TMEM165: variants seen among roughly 807,000 people sequenced by gnomAD.
TMEM165 encodes transmembrane protein 165, also known as putative divalent cation/proton antiporter TMEM165.
TMEM165 carries 19 observed loss-of-function variants against 30.0 expected under a neutral mutation model. The ratio of observed to expected loss-of-function variants is 0.63; its 90% CI spans 0.44 to 0.93. TMEM165 has a LOEUF of 0.93. Ranked by LOEUF, TMEM165 falls within the 40% of genes least tolerant of loss-of-function variation. The pLI, the probability that TMEM165 is intolerant of heterozygous loss-of-function variation, is 0.00. For synonymous variants in TMEM165, 168 were observed against 162.9 expected (o/e 1.03, Z -0.24); for missense variants, 340 against 417.0 (o/e 0.82, Z 1.61).
chr4:55,404,872 G>A (rs1011586360), intron 1 of TMEM165, among the ~76,000 whole-genome samples: 3 of 152,130 alleles, frequency 2.0e-5, no homozygotes, highest in African/African-American at 4.8e-5. Context: ...AATGAAGCCC[G>A]TTTGACCTCA....
chr4:55,438,211 T>C, intron 3 of TMEM165: 3 of 1,542,160 alleles, frequency 1.9e-6, no homozygotes, highest in Non-Finnish European at 2.7e-6. Flanking sequence ...CACAAATCTG[T>C]TCACTTAATG....
At chr4:55,450,819 A>G (rs1452654090) in intron 3 of TMEM165, among the ~76,000 whole-genome samples, 1 of 152,010 alleles carries the variant, frequency 6.6e-6, no homozygotes, top group Non-Finnish European at 1.5e-5. Flanking sequence ...AAATTTTAAC[A>G]GCTAAAACTA....
At chr4:55,399,674 A>T (rs972877898) in intron 1 of TMEM165, among the ~76,000 whole-genome samples, 3 of 152,146 alleles carry the variant, frequency 2.0e-5, no homozygotes, top group African/African-American at 4.8e-5. Flanking sequence ...TGGTAGAAAC[A>T]GTGTCCAGTA....
At chr4:55,452,924 TATA>T in exon 4 of TMEM165, 1 of 688,380 alleles carries the variant, frequency 1.5e-6, no homozygotes, top group South Asian at 1.9e-5. Context: ...AGTAGTAAAG[TATA>T]ATCACATCCC....
intron 3 of TMEM165, among the ~76,000 whole-genome samples, chr4:55,447,792 C>A (rs1359415153): frequency 6.6e-6 from 1 of 152,028 alleles, no homozygotes; most frequent in Non-Finnish European, 1.5e-5. Flanking sequence ...TTGTTTTCAC[C>A]TATTATTAAT....
intron 3 of TMEM165, chr4:55,443,732 A>G (rs765572874): frequency 6.2e-7 from 1 of 1,614,104 alleles, no homozygotes; most frequent in Admixed American, 1.7e-5. Flanking sequence ...TCATGTGCTG[A>G]GTTGTGCCAA....
chr4:55,429,021 T>G (rs1722357215), downstream of TMEM165: 1 of 151,678 alleles, frequency 6.6e-6, no homozygotes, highest in African/African-American at 2.4e-5. Context: ...GCCAATTTTT[T>G]TGCTTGAAGA....
At chr4:55,453,092 C>T (rs766157700) in exon 4 of TMEM165, 1 of 1,612,672 alleles carries the variant, frequency 6.2e-7, no homozygotes, top group Non-Finnish European at 8.5e-7. Context: ...TCTTCAATGC[C>T]AAGTTCTCGT....
intron 2 of TMEM165, chr4:55,412,276 C>T: frequency 4.8e-6 from 1 of 209,208 alleles, no homozygotes; most frequent in Non-Finnish European, 9.5e-6. Flanking sequence ...CACCTGTAAT[C>T]CCAGCAACTC....
chr4:55,448,639 TGTGTGC>T, intron 3 of TMEM165: 2 of 584,770 alleles, frequency 3.4e-6, no homozygotes, highest in Non-Finnish European at 6.2e-6. Context: ...TGTGTGTGTG[TGTGTGC>T]TCCTACCTCA....
chr4:55,432,224 AAT>A (rs1291349469), intron 3 of TMEM165: 1 of 152,116 alleles, frequency 6.6e-6, no homozygotes, highest in Non-Finnish European at 1.5e-5. Context: ...CCATTCAAAA[AAT>A]GAAGTACTTT....
chr4:55,446,669 C>T (rs1382136230), intron 3 of TMEM165, among the ~76,000 whole-genome samples: 2 of 152,190 alleles, frequency 1.3e-5, no homozygotes, highest in Non-Finnish European at 2.9e-5. Flanking sequence ...GAGTCATGAG[C>T]AGCTCCTATT....
chr4:55,400,613 A>G (rs1720960717), intron 1 of TMEM165, among the ~76,000 whole-genome samples: 2 of 148,030 alleles, frequency 1.4e-5, no homozygotes, highest in East Asian at 2.0e-4. Flanking sequence ...AATTTTTTGT[A>G]TTTTTAGTAG....
chr4:55,448,597 CGCGCGTGTGT>C (rs1201408830), intron 3 of TMEM165, among the ~76,000 whole-genome samples: 36 of 72,930 alleles, frequency 4.9e-4, no homozygotes, highest in Admixed American at 1.6e-3. Context: ...CGCGCGCACG[CGCGCGTGTGT>C]GTGTGTGTGT....
exon 4 of TMEM165, chr4:55,453,255 C>T: frequency 6.4e-6 from 5 of 786,836 alleles, no homozygotes; most frequent in Non-Finnish European, 8.7e-6. Context: ...ATGTGCTACA[C>T]AAACCTAAAA....
chr4:55,421,909 TAAAAAG>T (rs1721989811), intron 4 of TMEM165, among the ~76,000 whole-genome samples: 1 of 33,380 alleles, frequency 3.0e-5, no homozygotes, highest in Admixed American at 3.9e-4. Flanking sequence ...TCTCATCCTT[TAAAAAG>T]AAAAAAAAAA....
chr4:55,397,477 C>A (rs1720771921), intron 1 of TMEM165: 1 of 151,546 alleles, frequency 6.6e-6, no homozygotes. Context: ...TCCTCCCTAA[C>A]ACAAGACCTT....
chr4:55,403,158 T>C, intron 1 of TMEM165: 2 of 930,166 alleles, frequency 2.2e-6, no homozygotes, highest in Non-Finnish European at 3.0e-6. Context: ...AGCATTTTCT[T>C]CTGACTCCTT....
chr4:55,438,516 A>G (rs778270203), intron 3 of TMEM165: 1 of 1,613,654 alleles, frequency 6.2e-7, no homozygotes, highest in Admixed American at 1.7e-5. Flanking sequence ...ATTTGGTCAC[A>G]AGTTGTTGAC....
Sources: gnomAD v4.1 joint callset for allele counts (sites outside exome capture counted in the v4.1 genomes callset) on GRCh38, gnomAD v4.1.1 for gene constraint, MANE v1.5 for transcripts, NCBI Gene and HGNC (gene_info 2026-07-23, HGNC 2026-07-21) for gene names.